MYMX: variants seen among roughly 807,000 people sequenced by gnomAD.
MYMX encodes protein myomixer.
upstream of MYMX, among the ~76,000 whole-genome samples, chr6:44,212,791 A>AG (rs1442411833): frequency 6.7e-6 from 1 of 149,972 alleles, no homozygotes; most frequent in South Asian, 2.1e-4. Context: ...TGGGAAGCTG[A>AG]GGCAGGAGGA....
the MYMX span, among the ~76,000 whole-genome samples, chr6:44,202,077 G>A: frequency 1.3e-5 from 2 of 152,134 alleles, no homozygotes; most frequent in Non-Finnish European, 2.9e-5. Context: ...TGCAGAAGGG[G>A]TGGGAAGAGC....
At chr6:44,200,678 A>G in the MYMX span, among the ~76,000 whole-genome samples, 2 of 151,990 alleles carry the variant, frequency 1.3e-5, no homozygotes, top group Non-Finnish European at 2.9e-5. Flanking sequence ...CCCTCCCCAC[A>G]TCAGATATGC....
the MYMX span, among the ~76,000 whole-genome samples, chr6:44,195,768 A>G: frequency 6.6e-6 from 1 of 152,180 alleles, no homozygotes; most frequent in Admixed American, 6.5e-5. Context: ...GTTATGTATC[A>G]TGTTTTTGAT....
upstream of MYMX, among the ~76,000 whole-genome samples, chr6:44,213,914 A>C (rs1327491747): frequency 6.6e-6 from 1 of 152,178 alleles, no homozygotes; most frequent in Non-Finnish European, 1.5e-5. Flanking sequence ...GGGCTCAAGC[A>C]ATCTTCCCAC....
the MYMX span, among the ~76,000 whole-genome samples, chr6:44,209,350 G>C: frequency 2.0e-5 from 3 of 151,930 alleles, no homozygotes; most frequent in Non-Finnish European, 2.9e-5. Context: ...CGGAGCCATG[G>C]ATAGCTATTG....
the MYMX span, among the ~76,000 whole-genome samples, chr6:44,202,012 T>C: frequency 6.6e-6 from 1 of 152,056 alleles, no homozygotes; most frequent in Non-Finnish European, 1.5e-5. Flanking sequence ...TTAATGCAAG[T>C]CATGCGGAGG....
chr6:44,209,313 C>T, the MYMX span, among the ~76,000 whole-genome samples: 1 of 152,044 alleles, frequency 6.6e-6, no homozygotes, highest in East Asian at 1.9e-4. Flanking sequence ...TCTCTGATAA[C>T]AGGCAAATAG....
chr6:44,200,872 G>A, the MYMX span, among the ~76,000 whole-genome samples: 3 of 152,296 alleles, frequency 2.0e-5, no homozygotes, highest in East Asian at 1.9e-4. Flanking sequence ...GTGGGGGGCA[G>A]TGGGCAACAG....
At chr6:44,199,940 C>G in the MYMX span, among the ~76,000 whole-genome samples, 2 of 152,168 alleles carry the variant, frequency 1.3e-5, no homozygotes, top group South Asian at 4.1e-4. Flanking sequence ...GCGTCTTGGC[C>G]TCCTAAAGTG....
chr6:44,206,643 C>T, the MYMX span, among the ~76,000 whole-genome samples: 1 of 152,166 alleles, frequency 6.6e-6, no homozygotes, highest in Non-Finnish European at 1.5e-5. Flanking sequence ...GTACTTGTTT[C>T]TGATCCCTTG....
At chr6:44,214,483 T>C (rs1270694900), upstream of MYMX, among the ~76,000 whole-genome samples, 2 of 152,230 alleles carry the variant, frequency 1.3e-5, no homozygotes, top group Admixed American at 6.5e-5. Context: ...TGTGAGGCTT[T>C]AGGTGAGTTG....
chr6:44,193,031 C>G, the MYMX span, among the ~76,000 whole-genome samples: 2 of 152,172 alleles, frequency 1.3e-5, no homozygotes, highest in Non-Finnish European at 2.9e-5. Context: ...AATTGGAACC[C>G]TCCCAGGTCT....
Sources: allele counts gnomAD v4.1 joint callset (sites outside exome capture counted in the v4.1 genomes callset), GRCh38; gene constraint gnomAD v4.1.1; transcripts MANE v1.5; gene names NCBI Gene and HGNC (gene_info 2026-07-23, HGNC 2026-07-21).